The following FSHB variants were observed in gnomAD, a reference collection of about 807,000 sequenced individuals.
FSHB encodes follitropin subunit beta.
FSHB carries 8 observed loss-of-function variants against 12.1 expected under a neutral mutation model. The ratio of observed to expected loss-of-function variants is 0.66; its 90% CI spans 0.39 to 1.19. The LOEUF is 1.19. Ranked by LOEUF, FSHB falls within the 50% of genes most tolerant of loss-of-function variation. The probability of loss-of-function intolerance (pLI) is 0.01; values close to 1 mark genes in which losing one functional copy is unlikely to be tolerated. For missense variants in FSHB, 153 were observed against 157.2 expected, an observed-to-expected ratio of 0.97 and a Z score of 0.14; for synonymous variants, 55 against 54.6, an observed-to-expected ratio of 1.01 and a Z score of -0.04.
chr11:30,234,265 A>C lies in FSHB; in HGVS notation c.*465A>C, dbSNP rs1852051402. The C allele has an allele frequency of 5.5e-6, 1 of 181,882 alleles. No individual in the cohort carries two copies. The highest frequency in any genetic ancestry group is 2.4e-5 in the African/African-American group (1 of 42,356). 11.3% of individuals were successfully genotyped at this position (181,882 alleles called of 1,614,324 possible). The stretch of plus-strand genomic sequence containing the variant: ...CTAGCACTCTGCCTGGAACTTAGAA[A>C]CACAACAATGACTTCTTTAGATCAG... On this transcript the variant is annotated 3_prime_UTR_variant, in exon 3 of 3. Transcript: ENST00000533718.
At chr11:30,231,809 C>A (rs1376787766) in intron 1 of FSHB, 57 bp from the exon 2 acceptor site, 2 of 1,380,120 alleles carry the variant, frequency 1.4e-6, no homozygotes, top group Admixed American at 1.7e-5. Flanking sequence ...GATGAGCAGA[C>A]CAATTATTTT....
Position 30,233,527 on chromosome 11 carries a change from C to T in FSHB, c.160-43C>T, listed in dbSNP as rs373401133. 2.8e-5 allele frequency: 42 copies of T among 1,499,058 alleles called. No homozygotes were observed. The African/African-American group carries it at 5.5e-4, about 20-fold the overall frequency. The allele number at this position is 1,499,058 out of a possible 1,614,324, so 92.9% of individuals were successfully genotyped here. Reference sequence around the variant, plus strand: ...TCATTTTGACTAAGCTAAATAGGAACTTCCACAATACCATAACCTAACTCT... The same window carrying T: ...TCATTTTGACTAAGCTAAATAGGAATTTCCACAATACCATAACCTAACTCT... On this transcript the variant is annotated intron_variant, in intron 2 of 2. Coordinates refer to ENST00000533718, the MANE Select transcript of FSHB (RefSeq NM_001382289.1).
chr11:30,233,692 C>A lies in FSHB; in HGVS notation c.282C>A (p.Tyr94Ter), dbSNP rs121909666. The A allele has an allele frequency of 2.5e-6, 4 of 1,613,912 alleles. No homozygotes were observed. The highest frequency in any genetic ancestry group is 1.7e-6 in the Non-Finnish European group (2 of 1,179,942). ...ACCATGCAGATTCCTTGTATACATA[C>A]CCAGTGGCCACCCAGTGTCACTGTG... ...CAHHADSLYT[Y>*]PVATQCHCGK... is the part of the protein sequence containing the mutation. Residue 94 changes from tyrosine (Y) to a stop codon, truncating the protein, a stop_gained, in exon 3 of 3, where the codon TAC becomes TAA. Transcript: ENST00000533718. LOFTEE classifies it high-confidence loss of function.
chr11:30,234,028 A>G lies in FSHB; in HGVS notation c.*228A>G. On this transcript the variant is annotated 3_prime_UTR_variant, in exon 3 of 3. Transcript: ENST00000533718. ...TCCTAGGTCTGATTTCATAAGGTTT[A>G]TTCAGTCTTAACTCACAGACTTGTG... 2 of 533,768 alleles carry G rather than the reference A, an allele frequency of 3.7e-6. No individual in the cohort carries two copies. Among genetic ancestry groups the G allele is most frequent in the Non-Finnish European group, 6.8e-6 (2 of 295,112 alleles). 33.1% of individuals were successfully genotyped at this position (533,768 alleles called of 1,614,324 possible). A position where few individuals can be genotyped will look rare whatever the true frequency, so the allele number is the denominator to read the frequency against.
chr11:30,233,473 G>A, intron 2 of FSHB, 97 bp from the exon 3 acceptor site: 1 of 914,346 alleles, frequency 1.1e-6, no homozygotes. Flanking sequence ...ATGGGTAAAT[G>A]TTAGAGCAAG....
At chr11:30,233,478 A>C (rs968596957) in intron 2 of FSHB, 92 bp from the exon 3 acceptor site, 3 of 939,816 alleles carry the variant, frequency 3.2e-6, no homozygotes, top group African/African-American at 1.6e-5. Context: ...TAAATGTTAG[A>C]GCAAGCAGTA....
In FSHB at chr11:30,231,953, C is replaced by T. The variant is rs757168979; in HGVS notation, c.51C>T (p.Cys17=). The T allele has an allele frequency of 1.2e-6, 2 of 1,613,802 alleles. No individual in the cohort carries two copies. The highest frequency in any genetic ancestry group is 1.3e-5 in the African/African-American group (1 of 74,900). The change falls in exon 2 of 3, where the codon TGC becomes TGT. Residue 17 remains cysteine (C), a synonymous_variant. Coordinates refer to ENST00000533718, the MANE Select transcript of FSHB (RefSeq NM_001382289.1). ...TTTTCTGTTGCTGGAAAGCAATCTG[C>T]TGCAATAGCTGTGAGCTGACCAACA... ...FFLFCCWKAI[C]CNSCELTNIT... is the part of the protein sequence containing the mutation.
At position 30,235,088 on chromosome 11, in the gene FSHB, T is replaced by A. The variant is rs926091092; in HGVS notation, c.*1288T>A. On this transcript the variant is annotated 3_prime_UTR_variant, in exon 3 of 3. Transcript: ENST00000533718. ...GTACAAACAGATGACTTAGATATTC[T>A]GTATTTTATAATATTAGTGGAATGA... 2 of 152,228 alleles carry A rather than the reference T, an allele frequency of 1.3e-5. No individual in the cohort carries two copies. Among genetic ancestry groups the A allele is most frequent in the Non-Finnish European group, 2.9e-5 (2 of 68,042 alleles). 9.4% of individuals were successfully genotyped at this position (152,228 alleles called of 1,614,324 possible).
chr11:30,233,879 G>T lies in FSHB; in HGVS notation c.*79G>T, dbSNP rs186768498. ...CAAAAAGTCTGTGTGTGTGCAATGTGCCCAGGGGACAAACCACTGGATCAG... is the reference window on the plus strand; with the variant it reads ...CAAAAAGTCTGTGTGTGTGCAATGTTCCCAGGGGACAAACCACTGGATCAG... On this transcript the variant is annotated 3_prime_UTR_variant, in exon 3 of 3. Coordinates refer to ENST00000533718, the MANE Select transcript of FSHB (RefSeq NM_001382289.1). The T allele has an allele frequency of 1.2e-4, 145 of 1,190,384 alleles. No individual in the cohort carries two copies. In the Admixed American group the frequency reaches 2.1e-3, roughly 18 times the overall value. The allele number at this position is 1,190,384 out of a possible 1,614,324, so 73.7% of individuals were successfully genotyped here. A position where few individuals can be genotyped will look rare whatever the true frequency, so the allele number is the denominator to read the frequency against.
In FSHB at chr11:30,234,578, A is replaced by G. The variant is rs1852057025; in HGVS notation, c.*778A>G. ...ATTAGCCTGCCTCTATTCATTACTT[A>G]AACAAATTGATCACATGCTACTAGG... On this transcript the variant is annotated 3_prime_UTR_variant, in exon 3 of 3. Coordinates refer to ENST00000533718, the MANE Select transcript of FSHB (RefSeq NM_001382289.1). 1 of 152,190 alleles carries G rather than the reference A, an allele frequency of 6.6e-6. No individual in the cohort carries two copies. Among genetic ancestry groups the G allele is most frequent in the Middle Eastern group, 3.2e-3 (1 of 316 alleles). 9.4% of individuals were successfully genotyped at this position (152,190 alleles called of 1,614,324 possible).
chr11:30,233,561 A>G lies in FSHB; in HGVS notation c.160-9A>G, dbSNP rs1346869825. 3.1e-6 allele frequency: 5 copies of G among 1,605,996 alleles called. No homozygotes were observed. Among genetic ancestry groups the G allele is most frequent in the Non-Finnish European group, 4.3e-6 (5 of 1,172,744 alleles). The stretch of plus-strand genomic sequence containing the variant: ...TACCATAACCTAACTCTCTTCTTAA[A>G]CTCCTCAGGATCTGGTGTATAAGGA... On this transcript the variant is annotated splice_polypyrimidine_tract_variant and intron_variant, in intron 2 of 2. Transcript: ENST00000533718.
rs1852049695 is a variant in FSHB at position 30,234,150 on chromosome 11, T to C, written c.*350T>C. 1 of 328,816 alleles carries C rather than the reference T, an allele frequency of 3.0e-6. No homozygotes were observed. Among genetic ancestry groups the C allele is most frequent in the African/African-American group, 2.1e-5 (1 of 46,730 alleles). The allele number at this position is 328,816 out of a possible 1,614,324, so 20.4% of individuals were successfully genotyped here. On this transcript the variant is annotated 3_prime_UTR_variant, in exon 3 of 3. Transcript: ENST00000533718. ...TAGAAGGAGGAAGCAGTAATGGGAG[T>C]GAGTGAAAGAACTAACTGCAGCAGT...
At chr11:30,232,360 A>G (rs931552635) in intron 2 of FSHB, among the ~76,000 whole-genome samples, 3 of 152,240 alleles carry the variant, frequency 2.0e-5, no homozygotes, top group African/African-American at 7.2e-5. Context: ...ACATAGAGAG[A>G]TAAACATGGA....
At chr11:30,231,344 C>CT (rs1852002444) in intron 1 of FSHB, among the ~76,000 whole-genome samples, 1 of 152,064 alleles carries the variant, frequency 6.6e-6, no homozygotes, top group African/African-American at 2.4e-5. Context: ...ATAGAATTTT[C>CT]TTGGCCAGGA....
Position 30,234,787 on chromosome 11 carries a change from G to C in FSHB, c.*987G>C, listed in dbSNP as rs1852060240. 1 of 152,136 alleles carries C rather than the reference G, an allele frequency of 6.6e-6. No homozygotes were observed. The highest frequency in any genetic ancestry group is 2.4e-5 in the African/African-American group (1 of 41,438). The allele number at this position is 152,136 out of a possible 1,614,324, so 9.4% of individuals were successfully genotyped here. On this transcript the variant is annotated 3_prime_UTR_variant, in exon 3 of 3. Transcript: ENST00000533718. ...TTTGTATAAATAAATAGCTCCTTTA[G>C]AAAGAATTAGCCATGGGGGACGAGG...
rs1284846927 is a variant in FSHB, at chr11:30,233,967, TG to T, written c.*172del. On this transcript the variant is annotated 3_prime_UTR_variant, in exon 3 of 3. Coordinates refer to ENST00000533718, the MANE Select transcript of FSHB (RefSeq NM_001382289.1). ...AGGGAACTCTGGGAATTGAGAGTGCTGGGGGCCAGGACTCCATCATGATTCA... is the reference window on the plus strand; with the variant it reads ...AGGGAACTCTGGGAATTGAGAGTGCTGGGGCCAGGACTCCATCATGATTCA... 4 of 666,490 alleles carry T rather than the reference TG, an allele frequency of 6.0e-6. No homozygotes were observed. In the East Asian group the frequency reaches 1.1e-4, roughly 18 times the overall value. The allele number at this position is 666,490 out of a possible 1,614,324, so 41.3% of individuals were successfully genotyped here. A position where few individuals can be genotyped will look rare whatever the true frequency, so the allele number is the denominator to read the frequency against.
In FSHB at chr11:30,233,914, A is replaced by T; in HGVS notation, c.*114A>T. On this transcript the variant is annotated 3_prime_UTR_variant, in exon 3 of 3. Coordinates refer to ENST00000533718, the MANE Select transcript of FSHB (RefSeq NM_001382289.1). The stretch of plus-strand genomic sequence containing the variant: ...CAAACCACTGGATCAGGGGATTCAG[A>T]CTCTACTGATCCCTGGTCTACTGGC... 1.2e-6 allele frequency: 1 copy of T among 843,430 alleles called. No individual in the cohort carries two copies. Among genetic ancestry groups the T allele is most frequent in the South Asian group, 1.4e-5 (1 of 69,396 alleles). The allele number at this position is 843,430 out of a possible 1,614,324, so 52.2% of individuals were successfully genotyped here.
At position 30,233,803 on chromosome 11, in the gene FSHB, A is replaced by T. The variant is rs1185803946; in HGVS notation, c.*3A>T. 1 of 1,610,832 alleles carries T rather than the reference A, an allele frequency of 6.2e-7. No homozygotes were observed. The highest frequency in any genetic ancestry group is 1.7e-5 in the Admixed American group (1 of 59,964). On this transcript the variant is annotated 3_prime_UTR_variant, in exon 3 of 3. Coordinates refer to ENST00000533718, the MANE Select transcript of FSHB (RefSeq NM_001382289.1). ...CCTTTGGTGAAATGAAAGAATAAAG[A>T]TCAGTGGACATTTCAGGCCACATAC...
chr11:30,233,902 C>G lies in FSHB; in HGVS notation c.*102C>G. ...GTGCCCAGGGGACAAACCACTGGAT[C>G]AGGGGATTCAGACTCTACTGATCCC... On this transcript the variant is annotated 3_prime_UTR_variant, in exon 3 of 3. Transcript: ENST00000533718. 1 of 924,078 alleles carries G rather than the reference C, an allele frequency of 1.1e-6. No individual in the cohort carries two copies. Among genetic ancestry groups the G allele is most frequent in the Non-Finnish European group, 1.7e-6 (1 of 585,564 alleles). 57.2% of individuals were successfully genotyped at this position (924,078 alleles called of 1,614,324 possible).
Sources: allele counts gnomAD v4.1 joint callset (sites outside exome capture counted in the v4.1 genomes callset), GRCh38; gene constraint gnomAD v4.1.1; transcripts MANE v1.5; gene names NCBI Gene and HGNC (gene_info 2026-07-23, HGNC 2026-07-21).